Variants in EYA2 observed in about 807,000 individuals in gnomAD.
EYA2 encodes the protein EYA transcriptional coactivator and phosphatase 2, also known as protein phosphatase EYA2.
A neutral mutation model predicts 69.2 loss-of-function variants in EYA2; 31 were observed. The ratio of observed to expected loss-of-function variants is 0.45; its 90% CI spans 0.34 to 0.60. The LOEUF (loss-of-function observed/expected upper bound fraction) is 0.60. EYA2 is among the 20% of genes least tolerant of loss of function. EYA2 has a pLI of 0.02. For missense variants in EYA2, 622 were observed against 701.2 expected (o/e 0.89, Z 1.28); for synonymous variants, 257 against 279.4 (o/e 0.92, Z 0.80).
chr20:47,002,548 A>C (rs111937786), intron 3 of EYA2, among the ~76,000 whole-genome samples: 2,415 of 152,278 alleles, frequency 0.016, 42 homozygotes, highest in African/African-American at 0.045. Flanking sequence ...GTTCCTTTTT[A>C]TGGCTGCATA....
chr20:46,910,612 C>A (rs6124886), intron 1 of EYA2, among the ~76,000 whole-genome samples: 58,889 of 151,998 alleles, frequency 0.39, 11,721 homozygotes, highest in East Asian at 0.54. Context: ...GCAATGCACG[C>A]ATTCCCAGGC....
chr20:47,032,904 G>T (rs1346577606), intron 5 of EYA2, among the ~76,000 whole-genome samples: 1 of 152,206 alleles, frequency 6.6e-6, no homozygotes, highest in East Asian at 1.9e-4. Context: ...AGAGAAGCCT[G>T]CAATCTTGAA....
chr20:47,122,031 A>G (rs1385331264), intron 9 of EYA2, among the ~76,000 whole-genome samples: 1 of 152,206 alleles, frequency 6.6e-6, no homozygotes, highest in African/African-American at 2.4e-5. Context: ...ATTTAAAATC[A>G]GGATATTTCA....
chr20:47,112,002 G>A (rs980676309), intron 9 of EYA2, among the ~76,000 whole-genome samples: 7 of 152,036 alleles, frequency 4.6e-5, no homozygotes, highest in Admixed American at 1.3e-4. Context: ...TTAGCCAGGC[G>A]TGGTGGTGTG....
At chr20:47,112,943 C>T (rs1345579101) in intron 9 of EYA2, among the ~76,000 whole-genome samples, 2 of 130,016 alleles carry the variant, frequency 1.5e-5, no homozygotes, top group Admixed American at 1.9e-4. Context: ...GATGTCTTGG[C>T]TCACTGCAAC....
intron 1 of EYA2, 83 bp from the exon 2 acceptor site, chr20:46,989,918 A>T (rs1981541045): frequency 1.4e-6 from 1 of 715,138 alleles, no homozygotes; most frequent in Non-Finnish European, 2.6e-6. Context: ...TGTAATATTT[A>T]TACTCTTAGG....
intron 5 of EYA2, among the ~76,000 whole-genome samples, chr20:47,052,639 T>C (rs6066181): frequency 0.21 from 32,187 of 152,124 alleles, 3,798 homozygotes; most frequent in South Asian, 0.32. Context: ...TTTTCTTTTT[T>C]TGAGACAGGG....
intron 1 of EYA2, among the ~76,000 whole-genome samples, chr20:46,917,192 A>G (rs1984948318): frequency 6.6e-6 from 1 of 152,192 alleles, no homozygotes; most frequent in African/African-American, 2.4e-5. Context: ...ATGCTTTTGC[A>G]TAATTTTGTC....
At chr20:47,118,348 C>G (rs928933624) in intron 9 of EYA2, among the ~76,000 whole-genome samples, 12 of 151,876 alleles carry the variant, frequency 7.9e-5, no homozygotes, top group Admixed American at 7.9e-4. Context: ...CTTTGCAGCA[C>G]GGCTGGGAGA....
intron 1 of EYA2, among the ~76,000 whole-genome samples, chr20:46,957,616 T>G (rs9679828): frequency 0.36 from 53,492 of 150,506 alleles, 10,681 homozygotes; most frequent in Admixed American, 0.51. Context: ...TTTGAAGATG[T>G]TGGCCTTGAA....
At chr20:47,138,046 G>C (rs888459911) in intron 9 of EYA2, among the ~76,000 whole-genome samples, 5 of 151,488 alleles carry the variant, frequency 3.3e-5, no homozygotes, top group African/African-American at 1.2e-4. Context: ...GCTAAATGAC[G>C]AGTTAATGGG....
chr20:47,023,838 A>G (rs1000787180), intron 5 of EYA2, among the ~76,000 whole-genome samples: 7 of 151,920 alleles, frequency 4.6e-5, no homozygotes, highest in Admixed American at 6.6e-5. Context: ...GGGTTTTGCC[A>G]TGTTGGCCAG....
chr20:46,979,331 G>T (rs1457767724), intron 1 of EYA2, among the ~76,000 whole-genome samples: 1 of 152,204 alleles, frequency 6.6e-6, no homozygotes, highest in African/African-American at 2.4e-5. Context: ...GGTAACAAAT[G>T]GCACAAGCCG....
At chr20:46,976,074 A>ATGTAAGC (rs1259192163) in intron 1 of EYA2, among the ~76,000 whole-genome samples, 2 of 152,162 alleles carry the variant, frequency 1.3e-5, no homozygotes, top group Admixed American at 1.3e-4. Flanking sequence ...GCAATTGCTT[A>ATGTAAGC]TGTAAGCTGA....
intron 10 of EYA2, among the ~76,000 whole-genome samples, chr20:47,167,472 T>C (rs1348590696): frequency 3.3e-5 from 5 of 151,822 alleles, no homozygotes; most frequent in Admixed American, 3.3e-4. Context: ...TTAGTAGAGG[T>C]GGGGTTTCTC....
intron 1 of EYA2, among the ~76,000 whole-genome samples, chr20:46,935,757 A>G (rs957855960): frequency 1.3e-5 from 2 of 152,170 alleles, no homozygotes; most frequent in Non-Finnish European, 2.9e-5. Context: ...TAAATGTCAA[A>G]TAAATAATTA....
At chr20:47,058,147 C>T (rs1160852705) in intron 5 of EYA2, among the ~76,000 whole-genome samples, 2 of 152,216 alleles carry the variant, frequency 1.3e-5, no homozygotes, top group Non-Finnish European at 2.9e-5. Flanking sequence ...TAACTGTCAC[C>T]TCTCCTTAAA....
intron 9 of EYA2, among the ~76,000 whole-genome samples, chr20:47,115,150 C>A (rs201983022): frequency 6.6e-6 from 1 of 152,312 alleles, no homozygotes; most frequent in East Asian, 1.9e-4. Flanking sequence ...GGGCCTCCTG[C>A]CCACCTCCCA....
chr20:46,898,631 C>T (rs547460648), intron 1 of EYA2, among the ~76,000 whole-genome samples: 5 of 152,234 alleles, frequency 3.3e-5, no homozygotes, highest in East Asian at 3.9e-4. Context: ...GTTTGAAGAT[C>T]GTAACTGGCC....
Sources: gnomAD v4.1 joint callset for allele counts (sites outside exome capture counted in the v4.1 genomes callset) on GRCh38, gnomAD v4.1.1 for gene constraint, MANE v1.5 for transcripts, NCBI Gene and HGNC (gene_info 2026-07-23, HGNC 2026-07-21) for gene names.